OTUD7A: variants seen among roughly 807,000 people sequenced by gnomAD.
The protein encoded by OTUD7A is OTU domain-containing protein 7A.
A neutral mutation model predicts 65.7 loss-of-function variants in OTUD7A; 12 were observed. The ratio of observed to expected loss-of-function variants is 0.18; its 90% CI spans 0.12 to 0.30. The LOEUF is 0.30. Among genes scored for constraint, OTUD7A ranks in the 10% least tolerant of loss-of-function variants. The probability of loss-of-function intolerance (pLI) is 1.00; values close to 1 mark genes in which losing one functional copy is unlikely to be tolerated. For synonymous variants in OTUD7A, 641 were observed against 586.3 expected (o/e 1.09, Z -1.35); for missense variants, 1,148 against 1,304.8 (o/e 0.88, Z 1.85).
rs1032386211 is a variant in OTUD7A at position 31,780,780 on chromosome 15, A to G, written c.-100+89727T>C. ...TCCATCAACTTTGCTTGCCAAGTAC[A>G]TCTCTATAGAAAAGAGGGCTGTCAT... On this transcript the variant is annotated intron_variant, in intron 1 of 12. Coordinates refer to ENST00000307050, the MANE Select transcript of OTUD7A (RefSeq NM_001382637.1). Among the ~76,000 whole-genome samples, 9 of 152,334 alleles carry G rather than the reference A, an allele frequency of 5.9e-5. No individual in the cohort carries two copies. In the East Asian group the frequency reaches 1.2e-3, roughly 20 times the overall value.
At chr15:31,804,892 C>T (rs757403245) in intron 1 of OTUD7A, among the ~76,000 whole-genome samples, 4 of 152,224 alleles carry the variant, frequency 2.6e-5, no homozygotes, top group Non-Finnish European at 5.9e-5. Flanking sequence ...TCTAGGAGAA[C>T]TGTTCACAAC....
intron 1 of OTUD7A, among the ~76,000 whole-genome samples, chr15:31,867,368 C>T (rs1334493709): frequency 6.6e-6 from 1 of 152,190 alleles, no homozygotes; most frequent in Non-Finnish European, 1.5e-5. Context: ...ATAAATGTGG[C>T]ACCATCAGAA....
At position 31,527,315 on chromosome 15, in the gene OTUD7A, C is replaced by T; in HGVS notation, c.653-7G>A. On this transcript the variant is annotated splice_polypyrimidine_tract_variant and splice_region_variant and intron_variant, in intron 6 of 12. Coordinates refer to ENST00000307050, the MANE Select transcript of OTUD7A (RefSeq NM_001382637.1). ...TCGTGAAACCCCCACATTCCTGGAG[C>T]CAGGAGGCCAGGGAGAACAGAGGAG... 1 of 1,613,554 alleles carries T rather than the reference C, an allele frequency of 6.2e-7. No homozygotes were observed. The highest frequency in any genetic ancestry group is 8.5e-7 in the Non-Finnish European group (1 of 1,179,704).
intron 1 of OTUD7A, among the ~76,000 whole-genome samples, chr15:31,817,283 C>CG (rs539113497): frequency 1.3e-5 from 2 of 150,038 alleles, no homozygotes; most frequent in Non-Finnish European, 1.5e-5. Flanking sequence ...TTGCCCCCCC[C>CG]CATCACTCAT....
intron 3 of OTUD7A, among the ~76,000 whole-genome samples, chr15:31,637,446 C>A (rs183958880): frequency 6.6e-6 from 1 of 152,292 alleles, no homozygotes; most frequent in Admixed American, 6.5e-5. Context: ...CCTAGTTACC[C>A]AAGAGCTCTG....
intron 3 of OTUD7A, among the ~76,000 whole-genome samples, chr15:31,634,385 C>G (rs1448664058): frequency 1.3e-5 from 2 of 152,172 alleles, no homozygotes; most frequent in African/African-American, 4.8e-5. Context: ...TGGGTGTCTC[C>G]TCTTCCACGA....
intron 8 of OTUD7A, among the ~76,000 whole-genome samples, chr15:31,510,482 T>A (rs955247377): frequency 6.7e-6 from 1 of 149,722 alleles, no homozygotes; most frequent in South Asian, 2.1e-4. Flanking sequence ...AATATATATA[T>A]GTATGTATAT....
chr15:31,588,369 TAAGGGAAAGC>T (rs1889611861), intron 3 of OTUD7A, among the ~76,000 whole-genome samples: 1 of 152,106 alleles, frequency 6.6e-6, no homozygotes, highest in African/African-American at 2.4e-5. Flanking sequence ...GGCAACACGC[TAAGGGAAAGC>T]AAGGGAAAGG....
At chr15:31,659,193 T>C (rs1892087653) in intron 1 of OTUD7A, among the ~76,000 whole-genome samples, 1 of 152,148 alleles carries the variant, frequency 6.6e-6, no homozygotes, top group Non-Finnish European at 1.5e-5. Flanking sequence ...AGATGGAGAA[T>C]GAGACTGGGA....
chr15:31,628,490 C>G (rs1891035775), intron 3 of OTUD7A, among the ~76,000 whole-genome samples: 1 of 152,174 alleles, frequency 6.6e-6, no homozygotes, highest in Non-Finnish European at 1.5e-5. Flanking sequence ...GTTTTGGTTA[C>G]TGTAGCCTTG....
chr15:31,654,975 T>C, intron 3 of OTUD7A, 121 bp downstream of exon 3: 1 of 1,234,436 alleles, frequency 8.1e-7, no homozygotes, highest in East Asian at 2.7e-5. Context: ...CGGTAAGATG[T>C]AACACAAAGC....
At chr15:31,787,940 A>G (rs531624794) in intron 1 of OTUD7A, among the ~76,000 whole-genome samples, 1 of 152,318 alleles carries the variant, frequency 6.6e-6, no homozygotes, top group East Asian at 1.9e-4. Context: ...AGAATTTGTA[A>G]CATGCTTTAT....
intron 1 of OTUD7A, among the ~76,000 whole-genome samples, chr15:31,747,770 G>A (rs1894518693): frequency 2.6e-5 from 4 of 152,062 alleles, no homozygotes; most frequent in Admixed American, 2.6e-4. Context: ...ATTTTACAGG[G>A]GAGAAACTTC....
intron 1 of OTUD7A, among the ~76,000 whole-genome samples, chr15:31,787,914 CTTTG>C (rs1895715864): frequency 6.6e-6 from 1 of 152,172 alleles, no homozygotes; most frequent in African/African-American, 2.4e-5. Context: ...ATGGTCCAAG[CTTTG>C]TTTAACATCA....
intron 8 of OTUD7A, among the ~76,000 whole-genome samples, chr15:31,507,289 A>T (rs967428262): frequency 1.3e-5 from 2 of 152,318 alleles, no homozygotes; most frequent in Non-Finnish European, 2.9e-5. Context: ...ACAGAAGGAC[A>T]GGGTTATATT....
intron 3 of OTUD7A, among the ~76,000 whole-genome samples, chr15:31,577,786 T>C (rs1025555661): frequency 6.6e-6 from 1 of 151,058 alleles, no homozygotes; most frequent in Non-Finnish European, 1.5e-5. Flanking sequence ...TTGTAATTTA[T>C]TCCTCTAACT....
intron 1 of OTUD7A, among the ~76,000 whole-genome samples, chr15:31,800,042 G>A (rs1005671207): frequency 1.3e-5 from 2 of 152,196 alleles, no homozygotes; most frequent in African/African-American, 4.8e-5. Context: ...ACCGCAGAAA[G>A]TGAGAAGGCT....
At chr15:31,518,847 T>C (rs2041899766) in intron 8 of OTUD7A, among the ~76,000 whole-genome samples, 1 of 152,250 alleles carries the variant, frequency 6.6e-6, no homozygotes, top group Non-Finnish European at 1.5e-5. Flanking sequence ...GGACTGTGCC[T>C]GCCCAGACAG....
At chr15:31,686,843 C>T (rs1169002910) in intron 1 of OTUD7A, among the ~76,000 whole-genome samples, 3 of 152,164 alleles carry the variant, frequency 2.0e-5, no homozygotes, top group African/African-American at 7.2e-5. Flanking sequence ...TCTCTGTGAG[C>T]ACCAGCTCTC....
Sources: gnomAD v4.1 joint callset for allele counts (sites outside exome capture counted in the v4.1 genomes callset) on GRCh38, gnomAD v4.1.1 for gene constraint, MANE v1.5 for transcripts, NCBI Gene and HGNC (gene_info 2026-07-23, HGNC 2026-07-21) for gene names.